TRPC4: variants seen among roughly 807,000 people sequenced by gnomAD.
TRPC4 encodes the protein short transient receptor potential channel 4.
TRPC4 carries 49 observed loss-of-function variants against 99.4 expected under a neutral mutation model. The observed-to-expected ratio is 0.49, with a 90% CI of 0.39 to 0.63. TRPC4 has a LOEUF of 0.63. Ranked by LOEUF, TRPC4 falls within the 20% of genes least tolerant of loss-of-function variation. TRPC4 has a pLI of 0.00. For synonymous variants in TRPC4, 454 were observed against 425.9 expected (o/e 1.07, Z -0.81); for missense variants, 898 against 1,152.9 (o/e 0.78, Z 3.20).
chr13:37,708,627 A>T (rs2138972635), intron 3 of TRPC4, among the ~76,000 whole-genome samples: 1 of 151,220 alleles, frequency 6.6e-6, no homozygotes, highest in Non-Finnish European at 1.5e-5. Flanking sequence ...AGAATTTAAG[A>T]ACAGTGGGCA....
chr13:37,810,649 TAA>T (rs991935523), intron 1 of TRPC4, among the ~76,000 whole-genome samples: 1 of 152,100 alleles, frequency 6.6e-6, no homozygotes, highest in African/African-American at 2.4e-5. Flanking sequence ...TTTTAAAGAA[TAA>T]GTGACAACAA....
At position 37,655,139 on chromosome 13, in the gene TRPC4, A is replaced by T. The variant is rs1244436617; in HGVS notation, c.1833T>A (p.Val611=). 6.2e-7 allele frequency: 1 copy of T among 1,600,568 alleles called. No individual in the cohort carries two copies. The highest frequency in any genetic ancestry group is 8.5e-7 in the Non-Finnish European group (1 of 1,172,582). The part of the protein sequence containing the change: ...FGTYNVISLV[V]LLNMLIAMMN... ...TCATAGCTATTAACATGTTGAGTAG[A>T]ACAACCAGAGAGATGACATTGTATG... The change falls in exon 7 of 11, where the codon GTT becomes GTA. Residue 611 remains valine, a synonymous_variant. Transcript: ENST00000379705.
At chr13:37,851,146 C>G (rs76122258) in intron 1 of TRPC4, among the ~76,000 whole-genome samples, 1,663 of 152,256 alleles carry the variant, frequency 0.011, 22 homozygotes, top group African/African-American at 0.038. Context: ...AACATAGGAA[C>G]AGGGTCATAC....
At chr13:37,850,818 A>G (rs1959034098) in intron 1 of TRPC4, among the ~76,000 whole-genome samples, 2 of 152,312 alleles carry the variant, frequency 1.3e-5, no homozygotes, top group South Asian at 4.1e-4. Context: ...ATAGAGGGAA[A>G]CCACACAGAA....
intron 2 of TRPC4, among the ~76,000 whole-genome samples, chr13:37,762,275 AC>A (rs1386810644): frequency 1.3e-5 from 2 of 151,742 alleles, no homozygotes; most frequent in Non-Finnish European, 2.9e-5. Flanking sequence ...TTGTTTCCTG[AC>A]TTTTTGTTCA....
At chr13:37,701,129 AC>A (rs1400038329) in intron 3 of TRPC4, among the ~76,000 whole-genome samples, 1 of 152,214 alleles carries the variant, frequency 6.6e-6, no homozygotes, top group Non-Finnish European at 1.5e-5. Context: ...CAAAAACAAC[AC>A]ATAAAAGAGC....
At chr13:37,754,849 A>G (rs1262770498) in intron 2 of TRPC4, among the ~76,000 whole-genome samples, 1 of 152,162 alleles carries the variant, frequency 6.6e-6, no homozygotes, top group East Asian at 1.9e-4. Flanking sequence ...ACAAGCAACC[A>G]TTAACTTATA....
chr13:37,787,203 C>T (rs1475547778), intron 1 of TRPC4, among the ~76,000 whole-genome samples: 2 of 151,856 alleles, frequency 1.3e-5, no homozygotes, highest in Admixed American at 6.6e-5. Context: ...AAATGAATTT[C>T]CCTGAACAAC....
intron 1 of TRPC4, among the ~76,000 whole-genome samples, chr13:37,803,567 T>C (rs1957459185): frequency 1.3e-5 from 2 of 152,124 alleles, no homozygotes. Context: ...ATTGAATAGT[T>C]AGTAGATATC....
At chr13:37,842,343 CAAAAAAA>C (rs57428116) in intron 1 of TRPC4, among the ~76,000 whole-genome samples, 180 of 15,632 alleles carry the variant, frequency 0.012, 3 homozygotes, top group African/African-American at 0.029. Flanking sequence ...AGCGTCTAGC[CAAAAAAA>C]AAAAAAAAAA....
intron 3 of TRPC4, among the ~76,000 whole-genome samples, chr13:37,745,487 C>CGTATATATGTATATATAT (rs1427229587): frequency 3.3e-4 from 39 of 116,928 alleles, no homozygotes; most frequent in African/African-American, 1.4e-3. Flanking sequence ...CACACACACA[C>CGTATATATGTATATATAT]ACTTATATAT....
At chr13:37,855,339 T>TAG (rs1959163748) in intron 1 of TRPC4, among the ~76,000 whole-genome samples, 1 of 141,440 alleles carries the variant, frequency 7.1e-6, no homozygotes, top group Non-Finnish European at 1.5e-5. Flanking sequence ...ACAATGTAGA[T>TAG]ATATATATAT....
chr13:37,772,327 G>C (rs1956575687), intron 2 of TRPC4, among the ~76,000 whole-genome samples: 1 of 151,534 alleles, frequency 6.6e-6, no homozygotes, highest in Admixed American at 6.6e-5. Context: ...AAAAGAGTTG[G>C]GGGAAAGCAT....
chr13:37,652,825 T>C (rs1438912630), intron 7 of TRPC4, among the ~76,000 whole-genome samples: 2 of 36,790 alleles, frequency 5.4e-5, no homozygotes, highest in Non-Finnish European at 1.3e-4. Context: ...AGTCAGAAAT[T>C]ATGTTATCTT....
intron 2 of TRPC4, among the ~76,000 whole-genome samples, chr13:37,763,964 C>G (rs903970888): frequency 6.6e-6 from 1 of 151,578 alleles, no homozygotes; most frequent in South Asian, 2.1e-4. Context: ...GTTAAGGAGG[C>G]CAGTGTAATT....
At chr13:37,810,953 A>G (rs12584805) in intron 1 of TRPC4, among the ~76,000 whole-genome samples, 3,740 of 152,086 alleles carry the variant, frequency 0.025, 83 homozygotes, top group East Asian at 0.13. Context: ...TCTACATATT[A>G]TCTCATTCCT....
intron 1 of TRPC4, among the ~76,000 whole-genome samples, chr13:37,796,576 C>T (rs1228604645): frequency 6.6e-6 from 1 of 152,122 alleles, no homozygotes; most frequent in Non-Finnish European, 1.5e-5. Context: ...TTTCTCATCA[C>T]CAGCTCTCAG....
chr13:37,651,731 T>G (rs1952050874), intron 7 of TRPC4, among the ~76,000 whole-genome samples: 1 of 152,184 alleles, frequency 6.6e-6, no homozygotes, highest in Non-Finnish European at 1.5e-5. Context: ...ACTGCAGTAA[T>G]TAGTTATGAC....
intron 6 of TRPC4, among the ~76,000 whole-genome samples, chr13:37,660,191 G>T (rs898742271): frequency 4.6e-5 from 7 of 152,138 alleles, no homozygotes; most frequent in Admixed American, 6.6e-5. Context: ...GTATACTTAA[G>T]GTTAGGGTTA....
Sources: allele counts gnomAD v4.1 joint callset (sites outside exome capture counted in the v4.1 genomes callset), GRCh38; gene constraint gnomAD v4.1.1; transcripts MANE v1.5; gene names NCBI Gene and HGNC (gene_info 2026-07-23, HGNC 2026-07-21).